The following CREB1 variants were observed in gnomAD, a reference collection of about 807,000 sequenced individuals.
CREB1 encodes cAMP responsive element binding protein 1, also known as cyclic AMP-responsive element-binding protein 1.
A neutral mutation model predicts 42.0 loss-of-function variants in CREB1; 2 were observed. The observed-to-expected ratio is 0.05, with a 90% CI of 0.02 to 0.15. The LOEUF is 0.15. Among genes scored for constraint, CREB1 ranks in the 10% least tolerant of loss-of-function variants. The pLI, the probability that CREB1 is intolerant of heterozygous loss-of-function variation, is 1.00. For missense variants in CREB1, 199 were observed against 388.9 expected (o/e 0.51, Z 4.11); for synonymous variants, 123 against 139.9 (o/e 0.88, Z 0.85).
intron 1 of CREB1, among the ~76,000 whole-genome samples, chr2:207,541,829 C>G (rs2081110248): frequency 6.6e-6 from 1 of 152,214 alleles, no homozygotes; most frequent in Non-Finnish European, 1.5e-5. Flanking sequence ...ATCTACACAT[C>G]TCCTCTCAGC....
intron 1 of CREB1, among the ~76,000 whole-genome samples, chr2:207,545,794 C>T (rs368357119): frequency 6.7e-5 from 10 of 149,164 alleles, no homozygotes; most frequent in African/African-American, 2.2e-4. Flanking sequence ...AGTGCAATGG[C>T]GCAATCTCGG....
rs551763677 is a variant in CREB1, at chr2:207,599,793, C to G, written c.*2735C>G. On this transcript the variant is annotated 3_prime_UTR_variant, in exon 8 of 8. Transcript: ENST00000353267. Reference sequence around the variant, plus strand: ...GACATAATTTTTAAAAACCTTGTAGCCAAGAACATATGTGGCCACATTACC... The same window carrying G: ...GACATAATTTTTAAAAACCTTGTAGGCAAGAACATATGTGGCCACATTACC... 49 of 195,956 alleles carry G rather than the reference C, an allele frequency of 2.5e-4. No individual in the cohort carries two copies. The highest frequency in any genetic ancestry group is 1.8e-3 in the Middle Eastern group (1 of 550). The allele number at this position is 195,956 out of a possible 1,614,324, so 12.1% of individuals were successfully genotyped here. A position where few individuals can be genotyped will look rare whatever the true frequency, so the allele number is the denominator to read the frequency against.
intron 1 of CREB1, among the ~76,000 whole-genome samples, chr2:207,534,239 G>T (rs531610883): frequency 1.3e-5 from 2 of 152,182 alleles, no homozygotes; most frequent in Non-Finnish European, 2.9e-5. Flanking sequence ...TTTTTCTTTT[G>T]TTTTAATTTT....
At chr2:207,588,735 T>TG (rs1263069459) in intron 7 of CREB1, among the ~76,000 whole-genome samples, 78 of 146,436 alleles carry the variant, frequency 5.3e-4, no homozygotes, top group Non-Finnish European at 9.4e-4. Context: ...CTGGTTTTTT[T>TG]TTTTTTTGTG....
chr2:207,547,534 C>T (rs1255035636), intron 1 of CREB1, among the ~76,000 whole-genome samples: 3 of 152,108 alleles, frequency 2.0e-5, no homozygotes, highest in Non-Finnish European at 4.4e-5. Flanking sequence ...TTTAGTAACA[C>T]TTCATGTATA....
At chr2:207,574,353 A>AC (rs2082490328) in intron 5 of CREB1, among the ~76,000 whole-genome samples, 1 of 152,152 alleles carries the variant, frequency 6.6e-6, no homozygotes, top group Non-Finnish European at 1.5e-5. Context: ...GAAAAGCTTG[A>AC]CCCCTACAGG....
chr2:207,577,491 A>G lies in CREB1; in HGVS notation c.689-14A>G, dbSNP rs1024945543. 1.2e-6 allele frequency: 2 copies of G among 1,612,974 alleles called. No individual in the cohort carries two copies. Among genetic ancestry groups the G allele is most frequent in the Non-Finnish European group, 8.5e-7 (1 of 1,179,316 alleles). Reference sequence around the variant, plus strand: ...AATGTTTCTGTCTTACACCATGCTCACTGTTTTTTTCAGCTGCCTCTGGAG... The same window carrying G: ...AATGTTTCTGTCTTACACCATGCTCGCTGTTTTTTTCAGCTGCCTCTGGAG... On this transcript the variant is annotated splice_polypyrimidine_tract_variant and intron_variant, in intron 6 of 7. Coordinates refer to ENST00000353267, the MANE Select transcript of CREB1 (RefSeq NM_004379.5).
intron 1 of CREB1, among the ~76,000 whole-genome samples, chr2:207,552,904 C>G (rs1178737905): frequency 1.3e-5 from 2 of 151,394 alleles, no homozygotes; most frequent in East Asian, 3.9e-4. Context: ...GCATGAGCCA[C>G]CGCGCCCGGC....
chr2:207,570,800 A>G (rs766022280), intron 5 of CREB1, among the ~76,000 whole-genome samples: 27 of 152,190 alleles, frequency 1.8e-4, no homozygotes, highest in Admixed American at 5.2e-4. Flanking sequence ...AGCACATTCA[A>G]TTATTCCTTT....
In CREB1 at chr2:207,598,100, G is replaced by GA. The variant is rs2106636827; in HGVS notation, c.*1047dup. 5.5e-6 allele frequency: 1 copy of GA among 180,338 alleles called. No individual in the cohort carries two copies. The highest frequency in any genetic ancestry group is 2.0e-4 in the South Asian group (1 of 5,042). 11.2% of individuals were successfully genotyped at this position (180,338 alleles called of 1,614,324 possible). Reference sequence around the variant, plus strand: ...ATTTGTTTATGAAATGTTACATGTAGAAAAATACTGATTTTAAATATTTTC... The same window carrying GA: ...ATTTGTTTATGAAATGTTACATGTAGAAAAAATACTGATTTTAAATATTTTC... On this transcript the variant is annotated 3_prime_UTR_variant, in exon 8 of 8. Transcript: ENST00000353267.
intron 7 of CREB1, among the ~76,000 whole-genome samples, chr2:207,590,817 A>G (rs1230952256): frequency 6.6e-6 from 1 of 152,222 alleles, no homozygotes; most frequent in African/African-American, 2.4e-5. Flanking sequence ...AACCCTTGAT[A>G]TAAATAATTG....
rs2087097422 is a variant in CREB1 at position 207,601,771 on chromosome 2, AAAGT to A, written c.*4716_*4719del. The A allele has an allele frequency of 4.6e-6, 1 of 218,340 alleles. No individual in the cohort carries two copies. Among genetic ancestry groups the A allele is most frequent in the South Asian group, 1.9e-4 (1 of 5,400 alleles). 13.5% of individuals were successfully genotyped at this position (218,340 alleles called of 1,614,324 possible). A position where few individuals can be genotyped will look rare whatever the true frequency, so the allele number is the denominator to read the frequency against. Reference sequence around the variant, plus strand: ...AATTTGATTTCAGATGAGGAAGGAGAAAGTAAAGTGTGCATAGTAAGGCTGTAGG... The same window carrying A: ...AATTTGATTTCAGATGAGGAAGGAGAAAAGTGTGCATAGTAAGGCTGTAGG... On this transcript the variant is annotated 3_prime_UTR_variant, in exon 8 of 8. Transcript: ENST00000353267.
intron 6 of CREB1, chr2:207,576,772 T>C: frequency 3.8e-6 from 4 of 1,045,260 alleles, no homozygotes; most frequent in Non-Finnish European, 4.7e-6. Context: ...TGAATAATTT[T>C]ATAAAGACCT....
At chr2:207,585,583 A>G (rs1344890497) in intron 7 of CREB1, among the ~76,000 whole-genome samples, 1 of 152,214 alleles carries the variant, frequency 6.6e-6, no homozygotes, top group Admixed American at 6.5e-5. Flanking sequence ...ATCTCAAAGA[A>G]CCAGGTAATC....
chr2:207,596,857 C>A, intron 7 of CREB1, 57 bp from the exon 8 acceptor site: 1 of 1,567,948 alleles, frequency 6.4e-7, no homozygotes, highest in Non-Finnish European at 8.6e-7. Flanking sequence ...AAAGGTAATC[C>A]AAAATAAATA....
At chr2:207,548,042 T>C (rs1300461237) in intron 1 of CREB1, among the ~76,000 whole-genome samples, 1 of 152,034 alleles carries the variant, frequency 6.6e-6, no homozygotes, top group Non-Finnish European at 1.5e-5. Flanking sequence ...ACAGCATTCT[T>C]GTGCTTCAGC....
intron 3 of CREB1, among the ~76,000 whole-genome samples, chr2:207,561,928 T>C (rs1236831233): frequency 1.3e-5 from 2 of 152,152 alleles, no homozygotes; most frequent in Non-Finnish European, 2.9e-5. Flanking sequence ...GACACTTAAG[T>C]GGGAGCGTGG....
chr2:207,570,261 C>T lies in CREB1; in HGVS notation c.445C>T (p.Pro149Ser), dbSNP rs1380025798. 1.9e-6 allele frequency: 3 copies of T among 1,613,862 alleles called. No individual in the cohort carries two copies. Among genetic ancestry groups the T allele is most frequent in the Non-Finnish European group, 1.7e-6 (2 of 1,179,812 alleles). The change falls in exon 5 of 8, where the codon CCT (proline) becomes TCT (serine). Residue 149 changes from proline (P) to serine (S), a missense_variant. Transcript: ENST00000353267. ...GAAGTCTGAAGAGGAGACTTCAGCA[C>T]CTGCCATCACCACTGTAACGGTGCC... ...EEKSEEETSA[P>S]AITTVTVPTP... is the part of the protein sequence containing the mutation.
chr2:207,593,181 C>G lies in CREB1; in HGVS notation c.840-3733C>G, dbSNP rs183112460. ...TGCTGAAATAACCCATCTGATCTTACATGTTATCCACCATTCCTATTAGAG... is the reference window on the plus strand; with the variant it reads ...TGCTGAAATAACCCATCTGATCTTAGATGTTATCCACCATTCCTATTAGAG... On this transcript the variant is annotated intron_variant, in intron 7 of 7. Coordinates refer to ENST00000353267, the MANE Select transcript of CREB1 (RefSeq NM_004379.5). Among the ~76,000 whole-genome samples, 5 of 152,294 alleles carry G rather than the reference C, an allele frequency of 3.3e-5. No individual in the cohort carries two copies. In the East Asian group the frequency reaches 7.7e-4, roughly 24 times the overall value.
Sources: gnomAD v4.1 joint callset for allele counts (sites outside exome capture counted in the v4.1 genomes callset) on GRCh38, gnomAD v4.1.1 for gene constraint, MANE v1.5 for transcripts, NCBI Gene and HGNC (gene_info 2026-07-23, HGNC 2026-07-21) for gene names.